The following PZP variants were observed in gnomAD, a reference collection of about 807,000 sequenced individuals.
PZP encodes PZP alpha-2-macroglobulin like.
PZP carries 150 observed loss-of-function variants against 179.8 expected under a neutral mutation model. The ratio of observed to expected loss-of-function variants is 0.83; its 90% confidence interval spans 0.73 to 0.96. The LOEUF (loss-of-function observed/expected upper bound fraction) is 0.96, where lower values mean the gene tolerates loss of function less well. PZP is among the 40% of genes least tolerant of loss of function. The pLI, the probability that PZP is intolerant of heterozygous loss-of-function variation, is 0.00. For missense variants in PZP, 1,689 were observed against 1,764.0 expected (o/e 0.96, Z 0.76); for synonymous variants, 624 against 652.3 (o/e 0.96, Z 0.66).
chr12:9,139,219 G>A, the PZP span, among the ~76,000 whole-genome samples: 1 of 151,960 alleles, frequency 6.6e-6, no homozygotes, highest in South Asian at 2.1e-4. Context: ...TAATATCTAT[G>A]TATTTTTTAT....
chr12:9,176,036 T>C (rs1279940138), intron 15 of PZP, among the ~76,000 whole-genome samples: 2 of 152,178 alleles, frequency 1.3e-5, no homozygotes, highest in Non-Finnish European at 1.5e-5. Flanking sequence ...CTATTCACGA[T>C]AGCAAAGACA....
intron 13 of PZP, among the ~76,000 whole-genome samples, chr12:9,187,446 A>C (rs970740362): frequency 6.6e-6 from 1 of 152,350 alleles, no homozygotes; most frequent in East Asian, 1.9e-4. Context: ...AACTATCCTC[A>C]GCAAATTTAG....
chr12:9,157,165 GT>G lies in PZP; in HGVS notation c.3550+9del, dbSNP rs1302493663. On this transcript the variant is annotated intron_variant, in intron 28 of 35. Transcript: ENST00000261336. ...CTCATTGTTCAGCTCCCACTTATAA[GT>G]GCTCTCACCTTCTTTCACAGCTTCC... 1 of 1,610,106 alleles carries G rather than the reference GT, an allele frequency of 6.2e-7. No homozygotes were observed. Among genetic ancestry groups the G allele is most frequent in the Non-Finnish European group, 8.5e-7 (1 of 1,177,584 alleles).
chr12:9,156,935 G>T (rs2377742), intron 28 of PZP, among the ~76,000 whole-genome samples: 149,178 of 152,144 alleles, frequency 0.98, 73,217 homozygotes, highest in Middle Eastern at 1. Context: ...TTTTTTAAAT[G>T]TTATTTTATT....
chr12:9,166,009 A>G (rs747006684), intron 18 of PZP, 43 bp downstream of exon 18: 1 of 1,566,148 alleles, frequency 6.4e-7, no homozygotes. Context: ...GAGGAACCAC[A>G]TTCCCTCCCC....
intron 13 of PZP, among the ~76,000 whole-genome samples, chr12:9,187,095 A>G (rs1447023226): frequency 3.5e-5 from 5 of 144,560 alleles, no homozygotes; most frequent in Non-Finnish European, 7.6e-5. Flanking sequence ...AAAAAAAAAG[A>G]CAAGAGAATT....
Position 9,153,323 on chromosome 12 carries a change from A to G in PZP, c.3795T>C (p.His1265=). ...SSTQDTVVAL[H]ALSRYGAATF... is the part of the protein sequence containing the mutation. ...TGGCTGCTCCATACCTGGACAGGGC[A>G]TGGAGAGCCACCACTGTGTCCTGGA... The change falls in exon 30 of 36, where the codon CAT becomes CAC. Residue 1265 remains histidine, a synonymous_variant. Transcript: ENST00000261336. 6.2e-7 allele frequency: 1 copy of G among 1,613,424 alleles called. No homozygotes were observed.
chr12:9,161,796 A>G (rs1941221758), intron 22 of PZP, among the ~76,000 whole-genome samples: 1 of 152,222 alleles, frequency 6.6e-6, no homozygotes, highest in Non-Finnish European at 1.5e-5. Context: ...ACTACTTCTT[A>G]ATGATATGAT....
intron 15 of PZP, among the ~76,000 whole-genome samples, chr12:9,175,357 C>A (rs1194050440): frequency 6.6e-6 from 1 of 152,096 alleles, no homozygotes. Flanking sequence ...ACTATAAAGA[C>A]CCTTGAAGAA....
intron 28 of PZP, 27 bp downstream of exon 28, chr12:9,157,148 T>C: frequency 6.2e-7 from 1 of 1,601,780 alleles, no homozygotes; most frequent in Non-Finnish European, 8.5e-7. Context: ...TTCTCATTGT[T>C]CAGCTCCCAC....
chr12:9,157,078 C>A, intron 28 of PZP, 97 bp downstream of exon 28: 1 of 1,189,034 alleles, frequency 8.4e-7, no homozygotes, highest in Admixed American at 2.2e-5. Flanking sequence ...TGATGCTCTC[C>A]CTCTCCGCAC....
intron 13 of PZP, among the ~76,000 whole-genome samples, chr12:9,187,720 C>T (rs994901808): frequency 9.2e-5 from 14 of 152,206 alleles, no homozygotes; most frequent in African/African-American, 1.2e-4. Flanking sequence ...ACATCCACAT[C>T]GAAAAGTTAG....
intron 25 of PZP, 97 bp from the exon 26 acceptor site, chr12:9,158,673 A>G: frequency 8.4e-7 from 1 of 1,194,718 alleles, no homozygotes; most frequent in Non-Finnish European, 1.1e-6. Context: ...GTGTGCACCC[A>G]AGAAAGTCAA....
intron 15 of PZP, among the ~76,000 whole-genome samples, chr12:9,177,541 A>C (rs992941006): frequency 6.6e-6 from 1 of 152,242 alleles, no homozygotes; most frequent in Non-Finnish European, 1.5e-5. Context: ...GGTTTTGAAG[A>C]AAATTGTTAT....
At chr12:9,160,158 A>G in intron 24 of PZP, 133 bp from the exon 25 acceptor site, 1 of 1,129,284 alleles carries the variant, frequency 8.9e-7, no homozygotes. Context: ...TGTGAATGTT[A>G]TGGATAGATC....
chr12:9,154,815 G>A lies in PZP; in HGVS notation c.3575C>T (p.Pro1192Leu), dbSNP rs753862040. 6 of 1,614,148 alleles carry A rather than the reference G, an allele frequency of 3.7e-6. No individual in the cohort carries two copies. The Admixed American group carries it at 1.0e-4, about 27-fold the overall frequency. Residue 1192 changes from proline to leucine, a missense_variant, in exon 29 of 36, where the codon CCT becomes CTT. Coordinates refer to ENST00000261336, the MANE Select transcript of PZP (RefSeq NM_002864.3). ...CCCCACTGGTGCCTTGGGTCTCTGAGGGCGCTCCCAATGGACGAGGTTGTC... is the reference window on the plus strand; with the variant it reads ...CCCCACTGGTGCCTTGGGTCTCTGAAGGCGCTCCCAATGGACGAGGTTGTC... Reference protein sequence around the residue: ...KEDNLVHWERPQRPKAPVGHL... With the variant: ...KEDNLVHWERLQRPKAPVGHL...
chr12:9,197,069 T>C lies in PZP; in HGVS notation c.810A>G (p.Lys270=). ...TGTCACAATTAAGAACACGAGATAA[T>C]TTTCTACACAGGCTCACAGTTGCAA... ...PGLATVSLCR[K]LSRVLNCDKQ... Residue 270 remains lysine, a synonymous_variant, in exon 8 of 36, where the codon AAA becomes AAG. Transcript: ENST00000261336. The C allele has an allele frequency of 6.2e-7, 1 of 1,613,556 alleles. No homozygotes were observed.
chr12:9,201,413 T>G, intron 4 of PZP, 66 bp from the exon 5 acceptor site: 1 of 1,273,852 alleles, frequency 7.9e-7, no homozygotes, highest in Non-Finnish European at 1.1e-6. Context: ...TTCAGACTTG[T>G]GATCAAACAA....
the PZP span, among the ~76,000 whole-genome samples, chr12:9,140,887 C>T: frequency 1.2e-4 from 18 of 152,282 alleles, no homozygotes; most frequent in East Asian, 2.5e-3. Context: ...CAGCACACCT[C>T]TCCAGTCAAA....
Sources: allele counts gnomAD v4.1 joint callset (sites outside exome capture counted in the v4.1 genomes callset), GRCh38; gene constraint gnomAD v4.1.1; transcripts MANE v1.5; gene names NCBI Gene and HGNC (gene_info 2026-07-23, HGNC 2026-07-21).